Variants in SMAD4 observed in about 807,000 individuals in gnomAD.
SMAD4 encodes MAD homolog 4.
In SMAD4, 7 loss-of-function variants were observed where a neutral mutation model predicts 63.2. The observed-to-expected ratio is 0.11, with a 90% confidence interval of 0.06 to 0.21. The LOEUF is 0.21. Ranked by LOEUF, SMAD4 falls within the 10% of genes least tolerant of loss-of-function variation. The probability of loss-of-function intolerance (pLI) is 1.00; values close to 1 mark genes in which losing one functional copy is unlikely to be tolerated. For missense variants in SMAD4, 312 were observed against 693.8 expected (o/e 0.45, Z 6.18); for synonymous variants, 215 against 235.4 (o/e 0.91, Z 0.79).
intron 5 of SMAD4, among the ~76,000 whole-genome samples, chr18:51,056,571 G>A (rs1909849351): frequency 7.4e-6 from 1 of 135,792 alleles, no homozygotes; most frequent in South Asian, 2.3e-4. Flanking sequence ...AGTGAGCAGA[G>A]AGCGAGTCAC....
intron 1 of SMAD4, among the ~76,000 whole-genome samples, chr18:51,031,494 T>G (rs1450225715): frequency 6.6e-6 from 1 of 152,216 alleles, no homozygotes; most frequent in Non-Finnish European, 1.5e-5. Context: ...TCTTAATGCA[T>G]TTAGTTTTTG....
chr18:51,082,943 A>G lies in SMAD4; in HGVS notation c.*4476A>G, dbSNP rs1349179752. On this transcript the variant is annotated 3_prime_UTR_variant, in exon 12 of 12. Coordinates refer to ENST00000342988, the MANE Select transcript of SMAD4 (RefSeq NM_005359.6). ...CAAACTCTGGGACAGGACCCAAGAC[A>G]CTTTCCTGTGAAGTGCTGAAAAAGA... 2 of 226,672 alleles carry G rather than the reference A, an allele frequency of 8.8e-6. No homozygotes were observed. Among genetic ancestry groups the G allele is most frequent in the African/African-American group, 2.2e-5 (1 of 44,958 alleles). The allele number at this position is 226,672 out of a possible 1,614,324, so 14.0% of individuals were successfully genotyped here.
chr18:51,062,777 G>T (rs1910048777), intron 8 of SMAD4, among the ~76,000 whole-genome samples: 2 of 151,138 alleles, frequency 1.3e-5, no homozygotes, highest in Admixed American at 1.3e-4. Context: ...GGGATTACAG[G>T]CATGAGCCAC....
rs587780556 is a variant in SMAD4, at chr18:51,047,274, A to G, written c.228A>G (p.Arg76=). The G allele has an allele frequency of 3.3e-5, 54 of 1,613,814 alleles. No individual in the cohort carries two copies. Among genetic ancestry groups the G allele is most frequent in the Middle Eastern group, 1.6e-4 (1 of 6,080 alleles). The change falls in exon 2 of 12, where the codon AGA becomes AGG. Residue 76 remains arginine, a synonymous_variant. Coordinates refer to ENST00000342988, the MANE Select transcript of SMAD4 (RefSeq NM_005359.6). ...CTAGTAAATGTGTTACCATACAGAG[A>G]ACATTGGATGGGAGGCTTCAGGTTA... ...AHPSKCVTIQ[R]TLDGRLQVAG...
intron 5 of SMAD4, 142 bp downstream of exon 5, chr18:51,055,135 A>G: frequency 1.4e-6 from 1 of 697,388 alleles, no homozygotes; most frequent in Non-Finnish European, 2.6e-6. Flanking sequence ...CAGGTATTAA[A>G]CAGGTATGCA....
At chr18:51,068,412 A>T (rs749559113) in intron 10 of SMAD4, among the ~76,000 whole-genome samples, 1 of 152,172 alleles carries the variant, frequency 6.6e-6, no homozygotes, top group East Asian at 1.9e-4. Context: ...TGAGTAACTC[A>T]TAAAATACTC....
intron 1 of SMAD4, among the ~76,000 whole-genome samples, chr18:51,041,093 C>A (rs974396107): frequency 6.6e-6 from 1 of 152,126 alleles, no homozygotes; most frequent in Non-Finnish European, 1.5e-5. Context: ...ATGCCCCAGT[C>A]TAGGATCTTA....
chr18:51,071,918 C>A lies in SMAD4; in HGVS notation c.1309-4720C>A, dbSNP rs186880929. On this transcript the variant is annotated intron_variant, in intron 10 of 11. Coordinates refer to ENST00000342988, the MANE Select transcript of SMAD4 (RefSeq NM_005359.6). ...CTTCTTTTCACTAAGCATAATGTTT[C>A]AAGCTTCATCCATGTAGCACATACC... Among the ~76,000 whole-genome samples, 406 of 152,290 alleles carry A rather than the reference C, an allele frequency of 2.7e-3. 2 individuals are homozygous for A. Among genetic ancestry groups the A allele is most frequent in the Non-Finnish European group, 5.1e-3 (346 of 68,010 alleles).
intron 1 of SMAD4, among the ~76,000 whole-genome samples, chr18:51,032,041 T>G (rs1473444749): frequency 6.6e-6 from 1 of 152,234 alleles, no homozygotes; most frequent in Admixed American, 6.5e-5. Context: ...TTTTGTTTAC[T>G]TAAATGGGTT....
chr18:51,063,876 GTT>G (rs1384449484), intron 8 of SMAD4, among the ~76,000 whole-genome samples: 4 of 152,156 alleles, frequency 2.6e-5, no homozygotes, highest in Non-Finnish European at 5.9e-5. Context: ...AAACATTTGA[GTT>G]TTTAAGTTTT....
intron 4 of SMAD4, chr18:51,054,104 G>T (rs968725645): frequency 3.3e-5 from 5 of 152,674 alleles, no homozygotes; most frequent in Non-Finnish European, 7.3e-5. Flanking sequence ...TAATCACATA[G>T]GTGAAAGATG....
intron 4 of SMAD4, 52 bp downstream of exon 4, chr18:51,049,376 G>C (rs1400945058): frequency 2.2e-6 from 3 of 1,378,560 alleles, no homozygotes; most frequent in Non-Finnish European, 2.1e-6. Flanking sequence ...TATCCTCTCT[G>C]TTTTTTTGTT....
chr18:51,074,889 A>G (rs1910432691), intron 10 of SMAD4, among the ~76,000 whole-genome samples: 1 of 151,992 alleles, frequency 6.6e-6, no homozygotes, highest in East Asian at 1.9e-4. Flanking sequence ...CTTTCTTTTA[A>G]ATTTAAATTT....
chr18:51,066,979 A>C (rs371628293), intron 9 of SMAD4, 40 bp from the exon 10 acceptor site: 19 of 1,481,116 alleles, frequency 1.3e-5, no homozygotes, highest in Middle Eastern at 3.4e-4. Context: ...AATTTAAAAT[A>C]CTTATCAAGA....
At position 51,081,704 on chromosome 18, in the gene SMAD4, A is replaced by T; in HGVS notation, c.*3237A>T. On this transcript the variant is annotated 3_prime_UTR_variant, in exon 12 of 12. Transcript: ENST00000342988. ...GTGGTGTGTAAAGGGGGGTGTTTGT[A>T]ATACAAGTTGAAGGCAAAATAAAAT... The T allele has an allele frequency of 8.6e-6, 2 of 232,856 alleles. No individual in the cohort carries two copies. Among genetic ancestry groups the T allele is most frequent in the Non-Finnish European group, 1.7e-5 (2 of 117,832 alleles). The allele number at this position is 232,856 out of a possible 1,614,324, so 14.4% of individuals were successfully genotyped here. A position where few individuals can be genotyped will look rare whatever the true frequency, so the allele number is the denominator to read the frequency against.
At position 51,080,923 on chromosome 18, in the gene SMAD4, T is replaced by C. The variant is rs893979081; in HGVS notation, c.*2456T>C. ...TATGTGAAAAATATTTGTTAAGAAG[T>C]ATCTCTTTGGAGCCAAGCCACCTGT... On this transcript the variant is annotated 3_prime_UTR_variant, in exon 12 of 12. Transcript: ENST00000342988. 2 of 191,360 alleles carry C rather than the reference T, an allele frequency of 1.0e-5. No homozygotes were observed. The highest frequency in any genetic ancestry group is 2.2e-5 in the Non-Finnish European group (2 of 91,618). The allele number at this position is 191,360 out of a possible 1,614,324, so 11.9% of individuals were successfully genotyped here.
At position 51,042,277 on chromosome 18, in the gene SMAD4, T is replaced by TTGCC. The variant is rs1377692310; in HGVS notation, c.-127-4633_-127-4630dup. On this transcript the variant is annotated intron_variant, in intron 1 of 11. Transcript: ENST00000342988. ...AAATTTCTTTTAATTCATTTTTTTC[T>TTGCC]TGCCTGCCTGCCTCCCTCCCTCCTT... 2.3e-3 allele frequency among the ~76,000 whole-genome samples: 338 copies of TTGCC among 149,466 alleles called. 3 individuals carry two copies. The highest frequency in any genetic ancestry group is 8.2e-3 in the African/African-American group (323 of 39,508).
intron 8 of SMAD4, among the ~76,000 whole-genome samples, chr18:51,062,851 GTT>G (rs71171374): frequency 3.1e-4 from 20 of 65,390 alleles, no homozygotes; most frequent in East Asian, 1.7e-3. Flanking sequence ...GGCTTTACTT[GTT>G]TTTTTTTTTT....
intron 4 of SMAD4, among the ~76,000 whole-genome samples, chr18:51,050,019 A>G (rs934046962): frequency 6.6e-6 from 1 of 152,162 alleles, no homozygotes; most frequent in African/African-American, 2.4e-5. Context: ...TTAATAAACT[A>G]AAATTTCTGT....
Sources: allele counts gnomAD v4.1 joint callset (sites outside exome capture counted in the v4.1 genomes callset), GRCh38; gene constraint gnomAD v4.1.1; transcripts MANE v1.5; gene names NCBI Gene and HGNC (gene_info 2026-07-23, HGNC 2026-07-21).